Variants in ZNF521 observed in about 807,000 individuals in gnomAD.
ZNF521 encodes the protein LYST-interacting protein 3.
In ZNF521, 14 loss-of-function variants were observed where a neutral mutation model predicts 105.5. The observed-to-expected ratio is 0.13, with a 90% CI of 0.09 to 0.21. The LOEUF (loss-of-function observed/expected upper bound fraction) is 0.21. Among genes scored for constraint, ZNF521 ranks in the 10% least tolerant of loss-of-function variants. ZNF521 has a pLI of 1.00. For missense variants in ZNF521, 1,233 were observed against 1,629.7 expected, an observed-to-expected ratio of 0.76 and a Z score of 4.19; for synonymous variants, 635 against 606.0, an observed-to-expected ratio of 1.05 and a Z score of -0.70.
chr18:25,153,599 C>T (rs1287701743), intron 5 of ZNF521, among the ~76,000 whole-genome samples: 1 of 152,214 alleles, frequency 6.6e-6, no homozygotes, highest in African/African-American at 2.4e-5. Flanking sequence ...TGAATACAGA[C>T]AGCATCTGGG....
rs182533725 is a variant in ZNF521, at chr18:25,092,179, T to C, written c.3659-98A>G. 1.5e-4 allele frequency: 198 copies of C among 1,353,020 alleles called. No homozygotes were observed. In the East Asian group the frequency reaches 3.0e-3, roughly 20 times the overall value. The allele number at this position is 1,353,020 out of a possible 1,614,324, so 83.8% of individuals were successfully genotyped here. A position where few individuals can be genotyped will look rare whatever the true frequency, so the allele number is the denominator to read the frequency against. ...AATTGCATATATTAAACTATTTCCATCACCTAATATACATATGTAGTATTA... is the reference window on the plus strand; with the variant it reads ...AATTGCATATATTAAACTATTTCCACCACCTAATATACATATGTAGTATTA... On this transcript the variant is annotated intron_variant, in intron 5 of 7. Transcript: ENST00000361524.
intron 5 of ZNF521, among the ~76,000 whole-genome samples, chr18:25,115,945 G>A (rs2144320736): frequency 6.6e-6 from 1 of 152,336 alleles, no homozygotes; most frequent in Admixed American, 6.5e-5. Context: ...TCCTGGCCTA[G>A]ACAACCTAAT....
intron 5 of ZNF521, among the ~76,000 whole-genome samples, chr18:25,154,914 G>T (rs1359576118): frequency 1.3e-5 from 2 of 152,152 alleles, no homozygotes; most frequent in Non-Finnish European, 2.9e-5. Flanking sequence ...GGCCAGAAGA[G>T]GGATTGCTGG....
intron 4 of ZNF521, chr18:25,201,198 A>G (rs2035987187): frequency 6.6e-6 from 1 of 151,976 alleles, no homozygotes; most frequent in Non-Finnish European, 1.5e-5. Context: ...AAGGTAAATC[A>G]CAGAGGCAAC....
intron 3 of ZNF521, among the ~76,000 whole-genome samples, chr18:25,321,138 G>A (rs1912916919): frequency 6.6e-6 from 1 of 152,162 alleles, no homozygotes; most frequent in Non-Finnish European, 1.5e-5. Context: ...AAAATAAGAG[G>A]CAGAGAAAGA....
In ZNF521 at chr18:25,224,620, T is replaced by A; in HGVS notation, c.3298A>T (p.Ser1100Cys). Residue 1100 changes from serine (S) to cysteine (C), a missense_variant, in exon 4 of 8, where the codon AGT becomes TGT. Physicochemically the swap from Ser to Cys is moderately radical, Grantham distance 112. This residue lies in a region of ZNF521 where 614 missense variants were observed against 751.5 expected (regional missense o/e 0.82). Coordinates refer to ENST00000361524, the MANE Select transcript of ZNF521 (RefSeq NM_015461.3). ...TTAATGCCTGGGCTGGCGCTCTTAC[T>A]GAGATTCACGCAGCCGGCACACAGA... ...YGLCAGCVNL[S>C]KSASPGINVP... The A allele has an allele frequency of 6.2e-7, 1 of 1,614,120 alleles. No homozygotes were observed.
intron 5 of ZNF521, among the ~76,000 whole-genome samples, chr18:25,107,449 T>C (rs1354945327): frequency 6.6e-6 from 1 of 152,222 alleles, no homozygotes; most frequent in Non-Finnish European, 1.5e-5. Context: ...AATTTTTAGA[T>C]CTATACTGGA....
chr18:25,351,547 A>T (rs1914775871), intron 1 of ZNF521: 1 of 152,422 alleles, frequency 6.6e-6, no homozygotes, highest in Non-Finnish European at 1.5e-5. Flanking sequence ...AGGGGGGGAA[A>T]TCGACCCTGC....
At chr18:25,337,605 G>A (rs760058852) in intron 2 of ZNF521, among the ~76,000 whole-genome samples, 2 of 152,096 alleles carry the variant, frequency 1.3e-5, no homozygotes, top group Non-Finnish European at 2.9e-5. Flanking sequence ...TTCACAAGTC[G>A]CATTAGTAAG....
chr18:25,135,346 G>T (rs938659457), intron 5 of ZNF521, among the ~76,000 whole-genome samples: 16 of 150,448 alleles, frequency 1.1e-4, no homozygotes, highest in African/African-American at 3.4e-4. Context: ...ACTCCTTGAG[G>T]CTACTGCCCA....
intron 4 of ZNF521, among the ~76,000 whole-genome samples, chr18:25,217,537 T>C (rs1905406484): frequency 2.0e-5 from 3 of 152,276 alleles, no homozygotes; most frequent in Admixed American, 6.5e-5. Context: ...GTCTAGGGTA[T>C]ACATACGACA....
chr18:25,304,581 G>A (rs1313979212), intron 3 of ZNF521, among the ~76,000 whole-genome samples: 2 of 152,108 alleles, frequency 1.3e-5, no homozygotes, highest in Non-Finnish European at 2.9e-5. Flanking sequence ...TTTCTGAGGC[G>A]ATACCAGAAT....
At chr18:25,157,051 T>C (rs2035158710) in intron 5 of ZNF521, among the ~76,000 whole-genome samples, 2 of 151,906 alleles carry the variant, frequency 1.3e-5, no homozygotes, top group African/African-American at 4.8e-5. Context: ...ACAGAAAAAC[T>C]AGCTGGGCAT....
At chr18:25,299,551 T>A (rs1217808189) in intron 3 of ZNF521, among the ~76,000 whole-genome samples, 1 of 152,162 alleles carries the variant, frequency 6.6e-6, no homozygotes, top group Non-Finnish European at 1.5e-5. Context: ...TTTTAAAATA[T>A]GTTGGGGAAC....
intron 5 of ZNF521, among the ~76,000 whole-genome samples, chr18:25,187,854 G>A (rs2035753737): frequency 6.6e-6 from 1 of 152,142 alleles, no homozygotes; most frequent in African/African-American, 2.4e-5. Context: ...AGGGGGATAT[G>A]TGTCAGGAAT....
At chr18:25,157,211 A>T (rs942410184) in intron 5 of ZNF521, among the ~76,000 whole-genome samples, 1 of 152,006 alleles carries the variant, frequency 6.6e-6, no homozygotes, top group Non-Finnish European at 1.5e-5. Flanking sequence ...AAATAAAAAT[A>T]AAAAAAAGCA....
intron 5 of ZNF521, among the ~76,000 whole-genome samples, chr18:25,151,936 G>A (rs2035054756): frequency 6.6e-6 from 1 of 152,156 alleles, no homozygotes; most frequent in African/African-American, 2.4e-5. Context: ...TATGGAACGG[G>A]GGTTGGCAGA....
At chr18:25,108,163 T>G (rs745665805) in intron 5 of ZNF521, among the ~76,000 whole-genome samples, 1 of 152,230 alleles carries the variant, frequency 6.6e-6, no homozygotes, top group Non-Finnish European at 1.5e-5. Flanking sequence ...CAGTGAAGAC[T>G]GGCTTTGTCC....
intron 2 of ZNF521, 80 bp downstream of exon 2, chr18:25,350,827 C>T: frequency 1.3e-6 from 2 of 1,485,710 alleles, no homozygotes; most frequent in Non-Finnish European, 9.1e-7. Context: ...ACACGCCTCG[C>T]AGCCACGCAG....
Sources: gnomAD v4.1 joint callset for allele counts (sites outside exome capture counted in the v4.1 genomes callset) on GRCh38, gnomAD v4.1.1 for gene constraint, gnomAD v4.1.1 regional missense constraint, MANE v1.5 for transcripts, NCBI Gene and HGNC (gene_info 2026-07-23, HGNC 2026-07-21) for gene names.